The following ARRB1 variants were observed in gnomAD, a reference collection of about 807,000 sequenced individuals.
ARRB1 encodes the protein beta-arrestin-1.
A neutral mutation model predicts 56.8 loss-of-function variants in ARRB1; 21 were observed. That is an observed-to-expected ratio of 0.37 (90% CI 0.26 to 0.53). The LOEUF (loss-of-function observed/expected upper bound fraction) is 0.53. ARRB1 is among the 20% of genes least tolerant of loss of function. The pLI is 0.88. For synonymous variants in ARRB1, 210 were observed against 218.6 expected, an observed-to-expected ratio of 0.96 and a Z score of 0.35; for missense variants, 424 against 553.7, an observed-to-expected ratio of 0.77 and a Z score of 2.35.
intron 1 of ARRB1, among the ~76,000 whole-genome samples, chr11:75,321,378 G>C (rs950665188): frequency 1.4e-4 from 21 of 151,632 alleles, no homozygotes; most frequent in African/African-American, 5.1e-4. Flanking sequence ...TGGAGCCCAA[G>C]GGGAGAGTGA....
chr11:75,336,812 C>T (rs1362750156), intron 1 of ARRB1, among the ~76,000 whole-genome samples: 1 of 152,162 alleles, frequency 6.6e-6, no homozygotes, highest in African/African-American at 2.4e-5. Context: ...ACACATGATC[C>T]ATCACCACCC....
chr11:75,285,199 G>A (rs1349144194), intron 3 of ARRB1, among the ~76,000 whole-genome samples: 3 of 152,316 alleles, frequency 2.0e-5, no homozygotes, highest in East Asian at 3.9e-4. Context: ...TGGGGCTCCC[G>A]TGACGACTGA....
chr11:75,350,509 C>T (rs1047486677), intron 1 of ARRB1, among the ~76,000 whole-genome samples: 8 of 152,178 alleles, frequency 5.3e-5, no homozygotes, highest in African/African-American at 1.7e-4. Flanking sequence ...AGGGTGGCAA[C>T]GCTGAGCCCC....
intron 1 of ARRB1, among the ~76,000 whole-genome samples, chr11:75,346,808 A>ATGTC: frequency 6.6e-6 from 1 of 151,980 alleles, no homozygotes; most frequent in East Asian, 1.9e-4. Context: ...TCCCTATGCG[A>ATGTC]TGTCATTCAT....
Position 75,271,828 on chromosome 11 carries a change from G to A in ARRB1, c.999-104C>T. 2.3e-6 allele frequency: 3 copies of A among 1,299,338 alleles called. 1 individual carries two copies. Among genetic ancestry groups the A allele is most frequent in the Non-Finnish European group, 3.2e-6 (3 of 942,710 alleles). 80.5% of individuals were successfully genotyped at this position (1,299,338 alleles called of 1,614,324 possible). On this transcript the variant is annotated intron_variant, in intron 12 of 15. Coordinates refer to ENST00000420843, the MANE Select transcript of ARRB1 (RefSeq NM_004041.5). The stretch of plus-strand genomic sequence containing the variant: ...CCACTTCTGCTGTCCCCCGGATAGA[G>A]AAGACCCACGGGACACACTCCCACC...
At chr11:75,316,397 G>A (rs188548003) in intron 1 of ARRB1, among the ~76,000 whole-genome samples, 3 of 151,940 alleles carry the variant, frequency 2.0e-5, no homozygotes, top group Admixed American at 6.6e-5. Context: ...GATCGGCTTC[G>A]TTTTCCTTAC....
At chr11:75,330,297 G>C (rs1947500997) in intron 1 of ARRB1, among the ~76,000 whole-genome samples, 3 of 142,884 alleles carry the variant, frequency 2.1e-5, no homozygotes, top group South Asian at 4.4e-4. Flanking sequence ...GAAAGCATAA[G>C]CACAGCATCT....
At position 75,269,211 on chromosome 11, in the gene ARRB1, C is replaced by T. The variant is rs529803377; in HGVS notation, c.1023-252G>A. The T allele has an allele frequency of 3.6e-4, 257 of 708,110 alleles. 1 individual carries two copies. Among genetic ancestry groups the T allele is most frequent in the South Asian group, 2.9e-3 (209 of 71,536 alleles). 43.9% of individuals were successfully genotyped at this position (708,110 alleles called of 1,614,324 possible). ...CCTGAGAAGGCTCTCTGGGTTCCCA[C>T]GGGCTGGGAAGAGGCCCAGGGGTGG... On this transcript the variant is annotated intron_variant, in intron 13 of 15. Transcript: ENST00000420843.
intron 2 of ARRB1, 134 bp downstream of exon 2, chr11:75,289,875 A>C: frequency 7.7e-7 from 1 of 1,299,964 alleles, no homozygotes; most frequent in Non-Finnish European, 1.1e-6. Flanking sequence ...GTCACCCCTA[A>C]GACGGGGAGC....
At chr11:75,293,171 G>A (rs1946648443) in intron 1 of ARRB1, among the ~76,000 whole-genome samples, 1 of 152,112 alleles carries the variant, frequency 6.6e-6, no homozygotes, top group Non-Finnish European at 1.5e-5. Flanking sequence ...CAGGAAGCAG[G>A]ACTCTGATGG....
chr11:75,299,999 G>A (rs7112501), intron 1 of ARRB1, among the ~76,000 whole-genome samples: 1,940 of 152,220 alleles, frequency 0.013, 34 homozygotes, highest in African/African-American at 0.042. Flanking sequence ...GAGGTCAGGA[G>A]TTTGAGACCA....
chr11:75,351,438 A>G, intron 1 of ARRB1, 150 bp downstream of exon 1: 2 of 1,206,574 alleles, frequency 1.7e-6, no homozygotes, highest in Non-Finnish European at 2.2e-6. Context: ...TGCCGGGGAG[A>G]CCACACAGGA....
intron 1 of ARRB1, among the ~76,000 whole-genome samples, chr11:75,345,497 C>G (rs769864441): frequency 6.6e-6 from 1 of 152,152 alleles, no homozygotes; most frequent in East Asian, 1.9e-4. Context: ...TGAGACGATA[C>G]CTGTTCTAAT....
At chr11:75,316,962 A>G (rs990835243) in intron 1 of ARRB1, among the ~76,000 whole-genome samples, 2 of 152,130 alleles carry the variant, frequency 1.3e-5, no homozygotes, top group Non-Finnish European at 2.9e-5. Context: ...GCTACTCGGG[A>G]GACTGAGGCA....
At chr11:75,328,529 A>G (rs1162652983) in intron 1 of ARRB1, among the ~76,000 whole-genome samples, 1 of 152,156 alleles carries the variant, frequency 6.6e-6, no homozygotes, top group Non-Finnish European at 1.5e-5. Flanking sequence ...CTGCCGCCCA[A>G]ATGAAAGTGC....
At chr11:75,348,122 T>A (rs1041313438) in intron 1 of ARRB1, among the ~76,000 whole-genome samples, 16 of 152,184 alleles carry the variant, frequency 1.1e-4, no homozygotes, top group Non-Finnish European at 1.8e-4. Flanking sequence ...AGCCTGACAT[T>A]CCCAGACTGC....
intron 3 of ARRB1, among the ~76,000 whole-genome samples, chr11:75,285,444 C>CCT (rs527591309): frequency 1.4e-3 from 216 of 152,172 alleles, no homozygotes; most frequent in African/African-American, 5.0e-3. Flanking sequence ...ACCTTTCTTT[C>CCT]CTCTCTCTCT....
At chr11:75,321,335 G>A (rs1947347325) in intron 1 of ARRB1, among the ~76,000 whole-genome samples, 1 of 147,044 alleles carries the variant, frequency 6.8e-6, no homozygotes, top group South Asian at 2.1e-4. Context: ...CTGGGAGGCA[G>A]AAGCTGTGGT....
chr11:75,266,194 C>A lies in ARRB1; in HGVS notation c.1226G>T (p.Gly409Val), dbSNP rs773977153. ...MKDDKEEEED[G>V]TGSPQLNNR is the part of the protein sequence containing the mutation. Reference sequence around the variant, plus strand: ...GTTGTTGAGCTGTGGAGAGCCGGTACCATCCTCCTCTTCCTCCTTGTCATC... The same window carrying A: ...GTTGTTGAGCTGTGGAGAGCCGGTAACATCCTCCTCTTCCTCCTTGTCATC... Residue 409 changes from glycine to valine, a missense_variant, in exon 16 of 16, where the codon GGT (glycine) becomes GTT (valine). By Grantham distance (109) the Gly-to-Val change is moderately radical. Transcript: ENST00000420843. 2 of 1,614,218 alleles carry A rather than the reference C, an allele frequency of 1.2e-6. No homozygotes were observed. The highest frequency in any genetic ancestry group is 1.7e-6 in the Non-Finnish European group (2 of 1,180,042).
Sources: allele counts gnomAD v4.1 joint callset (sites outside exome capture counted in the v4.1 genomes callset), GRCh38; gene constraint gnomAD v4.1.1; transcripts MANE v1.5; gene names NCBI Gene and HGNC (gene_info 2026-07-23, HGNC 2026-07-21).